ARHGEF28: variants seen among roughly 807,000 people sequenced by gnomAD.
ARHGEF28 encodes Rho guanine nucleotide exchange factor 28, also known as 190 kDa guanine nucleotide exchange factor.
Under a neutral mutation model 206.6 loss-of-function variants are expected in ARHGEF28, and 152 were observed. That is an observed-to-expected ratio of 0.74 (90% CI 0.64 to 0.84). The LOEUF (loss-of-function observed/expected upper bound fraction) is 0.84, where lower values mean the gene tolerates loss of function less well. ARHGEF28 is among the 40% of genes least tolerant of loss of function. The pLI, the probability that ARHGEF28 is intolerant of heterozygous loss-of-function variation, is 0.00. For synonymous variants in ARHGEF28, 763 were observed against 776.4 expected (o/e 0.98, Z 0.29); for missense variants, 2,028 against 2,073.2 (o/e 0.98, Z 0.42).
At position 73,893,240 on chromosome 5, in the gene ARHGEF28, G is replaced by A; in HGVS notation, c.3610G>A (p.Asp1204Asn). 1 of 1,560,374 alleles carries A rather than the reference G, an allele frequency of 6.4e-7. No homozygotes were observed. The highest frequency in any genetic ancestry group is 8.7e-7 in the Non-Finnish European group (1 of 1,152,352). The part of the protein sequence containing the change: ...KGGRTSESDE[D>N]KRKAEARVAK... ...GGGAAGGACAAGTGAATCTGATGAA[G>A]ACAAGAGGAAAGCTGAAGCCAGAGT... Residue 1204 changes from aspartate (D) to asparagine (N), a missense_variant, in exon 28 of 36, where the codon GAC (aspartate) becomes AAC (asparagine). By Grantham distance (23) the Asp-to-Asn change is conservative. Transcript: ENST00000513042.
chr5:73,924,900 A>G (rs548718390), intron 35 of ARHGEF28, among the ~76,000 whole-genome samples: 6 of 152,314 alleles, frequency 3.9e-5, no homozygotes, highest in Non-Finnish European at 5.9e-5. Flanking sequence ...CACTGTGGAA[A>G]AAACACTGAT....
chr5:73,763,720 T>C (rs1358354682), intron 4 of ARHGEF28, among the ~76,000 whole-genome samples: 2 of 150,944 alleles, frequency 1.3e-5, no homozygotes, highest in Non-Finnish European at 2.9e-5. Flanking sequence ...ACTTGAATCA[T>C]AGCCTTGAAG....
chr5:73,763,400 T>C (rs1000954458), intron 4 of ARHGEF28, among the ~76,000 whole-genome samples: 1 of 152,186 alleles, frequency 6.6e-6, no homozygotes, highest in African/African-American at 2.4e-5. Flanking sequence ...GCAAGGGCAC[T>C]GAATGGACCC....
Position 73,852,686 on chromosome 5 carries a change from A to C in ARHGEF28, c.1784A>C (p.Glu595Ala). The C allele has an allele frequency of 6.2e-7, 1 of 1,613,534 alleles. No homozygotes were observed. Among genetic ancestry groups the C allele is most frequent in the Non-Finnish European group, 8.5e-7 (1 of 1,179,612 alleles). ...RAYSLSEPPR[E>A]NRIQEEEWDK... The stretch of plus-strand genomic sequence containing the variant: ...TACAGCTTATCGGAGCCACCAAGAG[A>C]AAACAGGTACTTTTAACTATTCCAA... Residue 595 changes from glutamate (E) to alanine (A), a missense_variant, in exon 14 of 36, where the codon GAA (glutamate) becomes GCA (alanine). Physicochemically the swap from Glu to Ala is moderately radical, Grantham distance 107. Around this residue, in one of 3 missense-constraint regions of ARHGEF28, gnomAD observed 1,002 missense variants for 1,015.3 expected, o/e 0.99. Transcript: ENST00000513042.
At chr5:73,635,676 G>A (rs1052081920) in intron 1 of ARHGEF28, among the ~76,000 whole-genome samples, 12 of 152,146 alleles carry the variant, frequency 7.9e-5, no homozygotes, top group African/African-American at 2.4e-4. Context: ...CCCACATTTA[G>A]GTATAAGAAT....
At chr5:73,731,568 A>C (rs1750625281) in intron 2 of ARHGEF28, among the ~76,000 whole-genome samples, 1 of 152,152 alleles carries the variant, frequency 6.6e-6, no homozygotes, top group African/African-American at 2.4e-5. Flanking sequence ...GTGGCCAGCA[A>C]ACTTCTCTTT....
At chr5:73,914,936 T>G (rs898202827) in intron 35 of ARHGEF28, among the ~76,000 whole-genome samples, 10 of 152,228 alleles carry the variant, frequency 6.6e-5, no homozygotes, top group Middle Eastern at 3.4e-3. Flanking sequence ...AGACGGGGTT[T>G]CCCCATATTG....
In ARHGEF28 at chr5:73,940,928, C is replaced by G. The variant is rs997708214; in HGVS notation, c.5033C>G (p.Ala1678Gly). 10 of 1,534,400 alleles carry G rather than the reference C, an allele frequency of 6.5e-6. No homozygotes were observed. The highest frequency in any genetic ancestry group is 4.1e-5 in the African/African-American group (3 of 72,940). Residue 1678 changes from alanine (A) to glycine (G), a missense_variant, in exon 36 of 36, where the codon GCA becomes GGA. By Grantham distance (60) the Ala-to-Gly change is moderately conservative. Coordinates refer to ENST00000513042, the MANE Select transcript of ARHGEF28 (RefSeq NM_001177693.2). ...CAACTGCAGGCGTTTATAACAGAAG[C>G]AAAGCTAAATCTACCGACAAGGACA... is the stretch of plus-strand genomic sequence containing the variant. The part of the protein sequence containing the change: ...RPQLQAFITE[A>G]KLNLPTRTMT...
intron 4 of ARHGEF28, among the ~76,000 whole-genome samples, chr5:73,763,472 G>C (rs1025382455): frequency 6.6e-6 from 1 of 152,176 alleles, no homozygotes; most frequent in African/African-American, 2.4e-5. Context: ...TTCCAATGCA[G>C]ACTTCAAAGG....
At chr5:73,917,019 T>C (rs1419295031) in intron 35 of ARHGEF28, among the ~76,000 whole-genome samples, 1 of 152,200 alleles carries the variant, frequency 6.6e-6, no homozygotes, top group African/African-American at 2.4e-5. Flanking sequence ...ATTGAATCCA[T>C]TTCCTATTTA....
Position 73,941,790 on chromosome 5 carries a change from A to G in ARHGEF28, c.*777A>G, listed in dbSNP as rs577367163. ...CACCAACTACCACTCCCTGGAAAGA[A>G]CCCTTCCCTGCAGTTTTTTAAGGAC... On this transcript the variant is annotated 3_prime_UTR_variant, in exon 36 of 36. Coordinates refer to ENST00000513042, the MANE Select transcript of ARHGEF28 (RefSeq NM_001177693.2). 1 of 152,184 alleles carries G rather than the reference A, an allele frequency of 6.6e-6. No homozygotes were observed. The highest frequency in any genetic ancestry group is 6.5e-5 in the Admixed American group (1 of 15,274). The allele number at this position is 152,184 out of a possible 1,614,324, so 9.4% of individuals were successfully genotyped here. A position where few individuals can be genotyped will look rare whatever the true frequency, so the allele number is the denominator to read the frequency against.
chr5:73,879,482 T>C (rs558057144), intron 22 of ARHGEF28, among the ~76,000 whole-genome samples: 1 of 152,312 alleles, frequency 6.6e-6, no homozygotes, highest in Non-Finnish European at 1.5e-5. Flanking sequence ...CTGCATTCCT[T>C]TGGAGGAGGA....
chr5:73,689,335 A>G (rs1371651476), intron 2 of ARHGEF28, among the ~76,000 whole-genome samples: 1 of 151,958 alleles, frequency 6.6e-6, no homozygotes, highest in Non-Finnish European at 1.5e-5. Flanking sequence ...TTAAATTTTT[A>G]TTTGATTTAT....
chr5:73,938,024 A>C (rs1764514268), intron 35 of ARHGEF28, among the ~76,000 whole-genome samples: 1 of 152,196 alleles, frequency 6.6e-6, no homozygotes, highest in South Asian at 2.1e-4. Flanking sequence ...TACAACCACA[A>C]CCACCTCCAG....
intron 10 of ARHGEF28, among the ~76,000 whole-genome samples, chr5:73,839,929 A>G (rs1041086979): frequency 1.3e-5 from 2 of 152,126 alleles, no homozygotes; most frequent in Non-Finnish European, 2.9e-5. Flanking sequence ...ATGAAGCTGT[A>G]TAGTCTTTAG....
At chr5:73,815,776 A>G (rs1206926164) in intron 9 of ARHGEF28, among the ~76,000 whole-genome samples, 1 of 152,216 alleles carries the variant, frequency 6.6e-6, no homozygotes, top group Non-Finnish European at 1.5e-5. Context: ...CTGCAACAGA[A>G]AGTCATAGCA....
chr5:73,895,783 T>G (rs1761929058), intron 29 of ARHGEF28, among the ~76,000 whole-genome samples: 1 of 152,214 alleles, frequency 6.6e-6, no homozygotes, highest in Non-Finnish European at 1.5e-5. Context: ...ACAGACTGTT[T>G]AGTCCACAAA....
chr5:73,806,637 AC>A (rs1188051765), intron 9 of ARHGEF28, among the ~76,000 whole-genome samples: 2 of 136,624 alleles, frequency 1.5e-5, no homozygotes, highest in Non-Finnish European at 3.1e-5. Flanking sequence ...ATCTATATAT[AC>A]AATCTATAGT....
chr5:73,740,591 C>A (rs2112373311), intron 2 of ARHGEF28, among the ~76,000 whole-genome samples: 1 of 152,234 alleles, frequency 6.6e-6, no homozygotes, highest in Non-Finnish European at 1.5e-5. Context: ...GCATGATAGA[C>A]CCTCAGATAT....
Sources: gnomAD v4.1 joint callset for allele counts (sites outside exome capture counted in the v4.1 genomes callset) on GRCh38, gnomAD v4.1.1 for gene constraint, gnomAD v4.1.1 regional missense constraint, MANE v1.5 for transcripts, NCBI Gene and HGNC (gene_info 2026-07-23, HGNC 2026-07-21) for gene names.